The following USP43 variants were observed in gnomAD, a reference collection of about 807,000 sequenced individuals.
USP43 encodes the protein ubiquitin specific peptidase 43, also known as ubiquitin carboxyl-terminal hydrolase 43.
A neutral mutation model predicts 90.7 loss-of-function variants in USP43; 33 were observed. The ratio of observed to expected loss-of-function variants is 0.36; its 90% CI spans 0.28 to 0.49. The LOEUF (loss-of-function observed/expected upper bound fraction) is 0.49. Ranked by LOEUF, USP43 falls within the 20% of genes least tolerant of loss-of-function variation. The pLI, the probability that USP43 is intolerant of heterozygous loss-of-function variation, is 0.98. For synonymous variants in USP43, 598 were observed against 615.8 expected (o/e 0.97, Z 0.43); for missense variants, 1,274 against 1,476.4 (o/e 0.86, Z 2.25).
At chr17:9,714,294 GTGA>G (rs1188382761) in intron 14 of USP43, among the ~76,000 whole-genome samples, 1 of 152,172 alleles carries the variant, frequency 6.6e-6, no homozygotes, top group Non-Finnish European at 1.5e-5. Flanking sequence ...TCACATCAAT[GTGA>G]TAACTGGGGA....
Position 9,656,554 on chromosome 17 carries a change from A to G in USP43, c.636+20A>G. 6.2e-7 allele frequency: 1 copy of G among 1,602,232 alleles called. No homozygotes were observed. Among genetic ancestry groups the G allele is most frequent in the East Asian group, 2.2e-5 (1 of 44,688 alleles). On this transcript the variant is annotated intron_variant, in intron 2 of 14. Coordinates refer to ENST00000285199, the MANE Select transcript of USP43 (RefSeq NM_153210.5). ...GAGAAGGTCGGTCACTCTCAAAACA[A>G]CACAATGTACTGGGTTTTCTTTTTT...
rs547911244 is a variant in USP43, at chr17:9,699,390, C to T, written c.1458-782C>T. 2.0e-5 allele frequency among the ~76,000 whole-genome samples: 3 copies of T among 152,368 alleles called. No individual in the cohort carries two copies. The South Asian group carries it at 6.2e-4, about 32-fold the overall frequency. On this transcript the variant is annotated intron_variant, in intron 9 of 14. Transcript: ENST00000285199. ...ACGCAGGAAGGTGCCACAACTCCAG[C>T]TCAGACCTGTCCATGCTCAGCCACA...
chr17:9,699,021 C>A (rs1915421645), intron 9 of USP43, among the ~76,000 whole-genome samples: 1 of 152,306 alleles, frequency 6.6e-6, no homozygotes, highest in African/African-American at 2.4e-5. Flanking sequence ...CTCAGTCTGT[C>A]TCCTCAGAAT....
chr17:9,654,607 C>G (rs1912102752), intron 1 of USP43, among the ~76,000 whole-genome samples: 1 of 150,324 alleles, frequency 6.7e-6, no homozygotes, highest in Non-Finnish European at 1.5e-5. Context: ...TGAGATCATG[C>G]CATTGCACTC....
chr17:9,711,156 C>T (rs1362178753), intron 13 of USP43, among the ~76,000 whole-genome samples: 1 of 152,084 alleles, frequency 6.6e-6, no homozygotes, highest in East Asian at 1.9e-4. Flanking sequence ...TGTAGGCATC[C>T]TTAATGCCCA....
Position 9,729,165 on chromosome 17 carries a change from TC to T in USP43, c.*177del. On this transcript the variant is annotated 3_prime_UTR_variant, in exon 15 of 15. Transcript: ENST00000285199. ...ATATCTAGACTTCCAACACCCAAGG[TC>T]CATATAACCCAAGGTCGAAAACCTT... 1 of 517,314 alleles carries T rather than the reference TC, an allele frequency of 1.9e-6. No homozygotes were observed. The highest frequency in any genetic ancestry group is 3.1e-6 in the Non-Finnish European group (1 of 323,140). The allele number at this position is 517,314 out of a possible 1,614,324, so 32.0% of individuals were successfully genotyped here. A position where few individuals can be genotyped will look rare whatever the true frequency, so the allele number is the denominator to read the frequency against.
chr17:9,661,758 C>CGTGTTTGACCTCGTTGTCCATGCTTT (rs372221336), intron 2 of USP43, among the ~76,000 whole-genome samples: 4,580 of 152,158 alleles, frequency 0.03, 253 homozygotes, highest in African/African-American at 0.11. Context: ...GCAGAGCCAG[C>CGTGTTTGACCTCGTTGTCCATGCTTT]GTGAATGACC....
chr17:9,727,661 G>T lies in USP43; in HGVS notation c.2336-293G>T, dbSNP rs139706135. ...GATGAAACTGATGTTCATTCTTAAGGCTAGATGCCCGTGAGACTGAGCTTT... is the reference window on the plus strand; with the variant it reads ...GATGAAACTGATGTTCATTCTTAAGTCTAGATGCCCGTGAGACTGAGCTTT... On this transcript the variant is annotated intron_variant, in intron 14 of 14. Transcript: ENST00000285199. Among the ~76,000 whole-genome samples the T allele has an allele frequency of 3.7e-3, 560 of 152,228 alleles. 2 individuals are homozygous for T. The highest frequency in any genetic ancestry group is 0.012 in the African/African-American group (502 of 41,540).
intron 12 of USP43, among the ~76,000 whole-genome samples, chr17:9,705,648 G>A (rs555870680): frequency 3.4e-4 from 51 of 151,832 alleles, no homozygotes; most frequent in African/African-American, 1.2e-3. Flanking sequence ...CCAGCTACTC[G>A]GGGGGCTGAG....
Position 9,717,801 on chromosome 17 carries a change from AT to A in USP43, c.2335+5683del, listed in dbSNP as rs3066742. Among the ~76,000 whole-genome samples the A allele has an allele frequency of 5.0e-3, 710 of 142,338 alleles. 6 individuals carry two copies. Among genetic ancestry groups the A allele is most frequent in the South Asian group, 0.03 (132 of 4,420 alleles). 93.4% of individuals were successfully genotyped at this position (142,338 alleles called of 152,430 possible). On this transcript the variant is annotated intron_variant, in intron 14 of 14. Transcript: ENST00000285199. ...TTTGTTAAATGTATGTATAGCTCACATTTTTTTTTTTTTTGAGGCGGAGTCT... is the reference window on the plus strand; with the variant it reads ...TTTGTTAAATGTATGTATAGCTCACATTTTTTTTTTTTTGAGGCGGAGTCT...
At chr17:9,705,026 A>C (rs1406798467) in intron 12 of USP43, among the ~76,000 whole-genome samples, 3 of 152,202 alleles carry the variant, frequency 2.0e-5, no homozygotes, top group Admixed American at 2.0e-4. Flanking sequence ...TAGGTAATGC[A>C]TGCCTATATT....
intron 1 of USP43, among the ~76,000 whole-genome samples, chr17:9,649,776 G>C (rs1208489707): frequency 1.3e-5 from 2 of 150,816 alleles, no homozygotes; most frequent in Non-Finnish European, 1.5e-5. Flanking sequence ...TACGTTTCAA[G>C]GTATATACAA....
At chr17:9,720,553 A>G (rs989311846) in intron 14 of USP43, among the ~76,000 whole-genome samples, 4 of 151,614 alleles carry the variant, frequency 2.6e-5, no homozygotes, top group African/African-American at 9.7e-5. Context: ...CAGTGGCGCA[A>G]TCTCTGCTCA....
rs760664445 is a variant in USP43, at chr17:9,728,700, G to C, written c.3082G>C (p.Gly1028Arg). 6.2e-7 allele frequency: 1 copy of C among 1,606,170 alleles called. No homozygotes were observed. The change falls in exon 15 of 15, where the codon GGC (glycine) becomes CGC (arginine). Residue 1028 changes from glycine (G) to arginine (R), a missense_variant. By Grantham distance (125) the Gly-to-Arg change is moderately radical (BLOSUM62 -2). Transcript: ENST00000285199. The surrounding 1 kb of genome is among the most constrained non-coding windows in gnomAD (Gnocchi z 6.2). ...PQVPPVSLVS[G>R]GLSPAMDGQA... ...GGTGCCCCCCGTCTCCCTGGTGAGT[G>C]GCGGGCTGAGCCCTGCCATGGACGG...
At chr17:9,715,223 G>A (rs1025257541) in intron 14 of USP43, among the ~76,000 whole-genome samples, 1 of 152,192 alleles carries the variant, frequency 6.6e-6, no homozygotes, top group Non-Finnish European at 1.5e-5. Flanking sequence ...CATTTTGGGA[G>A]GCCAAGGTGG....
intron 12 of USP43, among the ~76,000 whole-genome samples, chr17:9,704,675 G>T (rs1179186094): frequency 6.6e-6 from 1 of 152,012 alleles, no homozygotes; most frequent in Non-Finnish European, 1.5e-5. Flanking sequence ...CACCTGGCTT[G>T]GCTTCTTGTG....
rs183066209 is a variant in USP43 at position 9,679,889 on chromosome 17, A to G, written c.970-342A>G. Among the ~76,000 whole-genome samples the G allele has an allele frequency of 2.9e-3, 447 of 152,266 alleles. 6 individuals are homozygous for G. Among genetic ancestry groups the G allele is most frequent in the Admixed American group, 0.027 (406 of 15,288 alleles). On this transcript the variant is annotated intron_variant, in intron 5 of 14. Coordinates refer to ENST00000285199, the MANE Select transcript of USP43 (RefSeq NM_153210.5). ...TTTTTATGTATGCAATCACGTGAAAAAGGTTAGTAAACCTATTCAGAAATT... is the reference window on the plus strand; with the variant it reads ...TTTTTATGTATGCAATCACGTGAAAGAGGTTAGTAAACCTATTCAGAAATT...
intron 8 of USP43, among the ~76,000 whole-genome samples, chr17:9,691,722 C>T (rs1391711758): frequency 6.6e-6 from 1 of 152,014 alleles, no homozygotes; most frequent in African/African-American, 2.4e-5. Flanking sequence ...CCAGTTTCTC[C>T]AAATTCTTGC....
At chr17:9,700,892 A>G (rs1915525215) in intron 10 of USP43, among the ~76,000 whole-genome samples, 1 of 152,200 alleles carries the variant, frequency 6.6e-6, no homozygotes, top group African/African-American at 2.4e-5. Context: ...AACAAAGATG[A>G]ATAAGCCAAG....
Sources: gnomAD v4.1 joint callset for allele counts (sites outside exome capture counted in the v4.1 genomes callset) on GRCh38, gnomAD v4.1.1 for gene constraint, Gnocchi (gnomAD v3.1) non-coding constraint, MANE v1.5 for transcripts, NCBI Gene and HGNC (gene_info 2026-07-23, HGNC 2026-07-21) for gene names.